DOT1L: variants seen among roughly 807,000 people sequenced by gnomAD.
DOT1L encodes DOT1 like histone lysine methyltransferase.
A neutral mutation model predicts 153.3 loss-of-function variants in DOT1L; 33 were observed. That is an observed-to-expected ratio of 0.22 (90% CI 0.16 to 0.29). DOT1L has a LOEUF of 0.29. DOT1L is among the 10% of genes least tolerant of loss of function. The pLI is 1.00. For missense variants in DOT1L, 1,847 were observed against 2,119.9 expected (o/e 0.87, Z 2.53); for synonymous variants, 1,135 against 965.1 (o/e 1.18, Z -3.26).
chr19:2,219,415 G>A (rs1331917380), intron 22 of DOT1L, among the ~76,000 whole-genome samples: 2 of 152,046 alleles, frequency 1.3e-5, no homozygotes, highest in African/African-American at 2.4e-5. Flanking sequence ...CCCAGCCCCC[G>A]GGCCCCCGAA....
chr19:2,178,485 T>G (rs2022066485), intron 1 of DOT1L, among the ~76,000 whole-genome samples: 1 of 151,040 alleles, frequency 6.6e-6, no homozygotes, highest in African/African-American at 2.4e-5. Context: ...TGGCGCGATC[T>G]TGGCTCACTG....
At chr19:2,177,126 C>T (rs1042866650) in intron 1 of DOT1L, among the ~76,000 whole-genome samples, 1 of 152,186 alleles carries the variant, frequency 6.6e-6, no homozygotes, top group Non-Finnish European at 1.5e-5. Context: ...AAGACTCCCC[C>T]GTGAGGGGGA....
In DOT1L at chr19:2,193,112, G is replaced by A. The variant is rs2022868494; in HGVS notation, c.494-577G>A. ...TGACGCTGGCGTATCTGCAGCCCCTGTTCCCTCCTTCTCCCTTAGAGCCGG... is the reference window on the plus strand; with the variant it reads ...TGACGCTGGCGTATCTGCAGCCCCTATTCCCTCCTTCTCCCTTAGAGCCGG... On this transcript the variant is annotated intron_variant, in intron 5 of 27. Coordinates refer to ENST00000398665, the MANE Select transcript of DOT1L (RefSeq NM_032482.3). This position sits in a 1 kb window ranked among gnomAD's most constrained non-coding sequence, Gnocchi z 5.9. Among the ~76,000 whole-genome samples the A allele has an allele frequency of 6.6e-6, 1 of 152,194 alleles. No individual in the cohort carries two copies. The highest frequency in any genetic ancestry group is 2.1e-4 in the South Asian group (1 of 4,832).
intron 27 of DOT1L, chr19:2,229,221 CTG>C (rs1358576735): frequency 3.0e-6 from 3 of 985,348 alleles, no homozygotes; most frequent in Non-Finnish European, 3.6e-6. Flanking sequence ...GCTGTGGAGA[CTG>C]TGGCCGCTGA....
chr19:2,166,470 G>A (rs531358433), intron 1 of DOT1L, among the ~76,000 whole-genome samples: 1 of 151,198 alleles, frequency 6.6e-6, no homozygotes. Context: ...GGAGTGCAGT[G>A]GTGCCATCTC....
intron 9 of DOT1L, 123 bp downstream of exon 9, chr19:2,202,902 C>G (rs1455574574): frequency 4.6e-6 from 4 of 863,226 alleles, no homozygotes; most frequent in Non-Finnish European, 7.5e-6. Context: ...CCCCTTGGAG[C>G]CAGGTGGTCT....
Position 2,207,809 on chromosome 19 carries a change from CCT to C in DOT1L, c.963+130_963+131del. 1.2e-6 allele frequency: 1 copy of C among 849,770 alleles called. No homozygotes were observed. Among genetic ancestry groups the C allele is most frequent in the South Asian group, 1.8e-5 (1 of 57,058 alleles). 52.6% of individuals were successfully genotyped at this position (849,770 alleles called of 1,614,324 possible). On this transcript the variant is annotated intron_variant, in intron 11 of 27. Coordinates refer to ENST00000398665, the MANE Select transcript of DOT1L (RefSeq NM_032482.3). The surrounding 1 kb of genome is among the most constrained non-coding windows in gnomAD (Gnocchi z 4.5). Reference sequence around the variant, plus strand: ...TCAGAGCCCTCAACGCCCCCCGGCCCCTGAGCTCAGGCCCAGCTCCTCAAGGC... The same window carrying C: ...TCAGAGCCCTCAACGCCCCCCGGCCCGAGCTCAGGCCCAGCTCCTCAAGGC...
At position 2,223,319 on chromosome 19, in the gene DOT1L, C is replaced by T. The variant is rs773025188; in HGVS notation, c.3429C>T (p.Ile1143=). ...NINQPLEITA[I]SSPETSLKSS... is the part of the protein sequence containing the mutation. ...ACCAGCCCCTGGAGATTACAGCCAT[C>T]TCGTCCCCGGAGACCTCCCTGAAGA... Residue 1143 remains isoleucine (I), a synonymous_variant, in exon 25 of 28, where the codon ATC becomes ATT. Transcript: ENST00000398665. 5.6e-6 allele frequency: 9 copies of T among 1,613,782 alleles called. No individual in the cohort carries two copies. The highest frequency in any genetic ancestry group is 6.8e-6 in the Non-Finnish European group (8 of 1,179,972).
Position 2,190,976 on chromosome 19 carries a change from T to A in DOT1L, c.265-36T>A. On this transcript the variant is annotated intron_variant, in intron 4 of 27. Transcript: ENST00000398665. The surrounding 1 kb of genome is among the most constrained non-coding windows in gnomAD (Gnocchi z 4.8). ...GTGGTGGAGGGGCTGGGCCGTGAGGTTTATGTGACATGGCCGGGCCACCCT... is the reference window on the plus strand; with the variant it reads ...GTGGTGGAGGGGCTGGGCCGTGAGGATTATGTGACATGGCCGGGCCACCCT... 2 of 1,546,926 alleles carry A rather than the reference T, an allele frequency of 1.3e-6. No homozygotes were observed. Among genetic ancestry groups the A allele is most frequent in the Non-Finnish European group, 1.7e-6 (2 of 1,147,972 alleles).
Position 2,230,684 on chromosome 19 carries a change from T to A in DOT1L, c.*892T>A, listed in dbSNP as rs2024562154. ...ATGTGATGAGAATTTATAAATTTCA[T>A]AGATTTGACAGCTTTTATTTTTAGA... On this transcript the variant is annotated 3_prime_UTR_variant, in exon 28 of 28. Transcript: ENST00000398665. 1 of 398,002 alleles carries A rather than the reference T, an allele frequency of 2.5e-6. No individual in the cohort carries two copies. The highest frequency in any genetic ancestry group is 1.4e-4 in the South Asian group (1 of 7,370). 24.7% of individuals were successfully genotyped at this position (398,002 alleles called of 1,614,324 possible).
At position 2,216,361 on chromosome 19, in the gene DOT1L, C is replaced by T; in HGVS notation, c.2004C>T (p.Ala668=). 1 of 1,611,312 alleles carries T rather than the reference C, an allele frequency of 6.2e-7. No individual in the cohort carries two copies. The highest frequency in any genetic ancestry group is 8.5e-7 in the Non-Finnish European group (1 of 1,178,868). The change falls in exon 20 of 28, where the codon GCC becomes GCT. Residue 668 remains alanine, a synonymous_variant. Transcript: ENST00000398665. Reference sequence around the variant, plus strand: ...AGTCCTGTGTGCCGCCTGACGACGCCCTGTCCCTGCACCTGCGTGGGAAGG... The same window carrying T: ...AGTCCTGTGTGCCGCCTGACGACGCTCTGTCCCTGCACCTGCGTGGGAAGG... ...QLKSCVPPDD[A]LSLHLRGKGA... is the part of the protein sequence containing the mutation.
At chr19:2,168,402 GC>G (rs1469391562) in intron 1 of DOT1L, among the ~76,000 whole-genome samples, 2 of 152,210 alleles carry the variant, frequency 1.3e-5, no homozygotes, top group African/African-American at 4.8e-5. Context: ...CCAGGGAGGG[GC>G]TGCCACTTCT....
At chr19:2,180,209 T>A (rs1242837120) in intron 1 of DOT1L, among the ~76,000 whole-genome samples, 1 of 152,134 alleles carries the variant, frequency 6.6e-6, no homozygotes, top group Non-Finnish European at 1.5e-5. Flanking sequence ...CCGTGGAGGC[T>A]CTATCACCTG....
In DOT1L at chr19:2,226,877, C is replaced by T. The variant is rs780670344; in HGVS notation, c.4356C>T (p.Gly1452=). 58 of 1,572,300 alleles carry T rather than the reference C, an allele frequency of 3.7e-5. No homozygotes were observed. The South Asian group carries it at 5.6e-4, about 15-fold the overall frequency. Residue 1452 remains glycine (G), a synonymous_variant, in exon 27 of 28, where the codon GGC becomes GGT. Transcript: ENST00000398665. The part of the protein sequence containing the change: ...PGLAPAASSA[G]GAASSAQTHR... Reference sequence around the variant, plus strand: ...TGGCCCCGGCGGCGTCCTCCGCAGGCGGCGCGGCGTCCTCCGCCCAGACGC... The same window carrying T: ...TGGCCCCGGCGGCGTCCTCCGCAGGTGGCGCGGCGTCCTCCGCCCAGACGC...
chr19:2,217,095 G>A lies in DOT1L; in HGVS notation c.2544+5G>A, dbSNP rs202211033. On this transcript the variant is annotated splice_donor_5th_base_variant and intron_variant, in intron 21 of 27. Coordinates refer to ENST00000398665, the MANE Select transcript of DOT1L (RefSeq NM_032482.3). The surrounding 1 kb of genome is among the most constrained non-coding windows in gnomAD (Gnocchi z 7.3). Reference sequence around the variant, plus strand: ...GGAGAGAAGAGCAGTGAGAAGGTGCGGGCCGCGACCCCTGCCCCGGGCTCA... The same window carrying A: ...GGAGAGAAGAGCAGTGAGAAGGTGCAGGCCGCGACCCCTGCCCCGGGCTCA... 1,782 of 1,589,368 alleles carry A rather than the reference G, an allele frequency of 1.1e-3. No individual in the cohort carries two copies. The highest frequency in any genetic ancestry group is 1.9e-3 in the Admixed American group (112 of 58,640).
chr19:2,189,109 C>T (rs1454272930), intron 3 of DOT1L, among the ~76,000 whole-genome samples: 2 of 152,052 alleles, frequency 1.3e-5, no homozygotes, highest in Admixed American at 1.3e-4. Context: ...TGACATGACA[C>T]ACTGCTGACG....
intron 1 of DOT1L, among the ~76,000 whole-genome samples, chr19:2,177,194 C>A (rs12982744): frequency 4.6e-5 from 7 of 152,076 alleles, no homozygotes; most frequent in Non-Finnish European, 7.4e-5. Context: ...TGTGGGCACC[C>A]GACATGTGGC....
Position 2,199,948 on chromosome 19 carries a change from A to G in DOT1L, c.707+9A>G, listed in dbSNP as rs1321399764. 1.2e-6 allele frequency: 2 copies of G among 1,613,544 alleles called. No individual in the cohort carries two copies. Among genetic ancestry groups the G allele is most frequent in the African/African-American group, 1.3e-5 (1 of 74,900 alleles). On this transcript the variant is annotated intron_variant, in intron 8 of 27. Coordinates refer to ENST00000398665, the MANE Select transcript of DOT1L (RefSeq NM_032482.3). Reference sequence around the variant, plus strand: ...CGAATCGCCAACACGAGGTATGGCCAGCGTGGGGCATGCAGGGCATGTGGG... The same window carrying G: ...CGAATCGCCAACACGAGGTATGGCCGGCGTGGGGCATGCAGGGCATGTGGG...
intron 27 of DOT1L, chr19:2,228,056 G>A (rs1451413741): frequency 1.8e-5 from 23 of 1,308,680 alleles, no homozygotes; most frequent in Non-Finnish European, 2.3e-5. Context: ...CTGAGCCCGC[G>A]CTTCTGCAGA....
Sources: gnomAD v4.1 joint callset for allele counts (sites outside exome capture counted in the v4.1 genomes callset) on GRCh38, gnomAD v4.1.1 for gene constraint, Gnocchi (gnomAD v3.1) non-coding constraint, MANE v1.5 for transcripts, NCBI Gene and HGNC (gene_info 2026-07-23, HGNC 2026-07-21) for gene names.